The following UFD1 variants were observed in gnomAD, a reference collection of about 807,000 sequenced individuals.
UFD1 encodes the protein ubiquitin recognition factor in ER associated degradation 1, also known as ubiquitin recognition factor in ER-associated degradation protein 1.
Under a neutral mutation model 45.9 loss-of-function variants are expected in UFD1, and 13 were observed. The observed-to-expected ratio is 0.28, with a 90% CI of 0.18 to 0.45. The LOEUF (loss-of-function observed/expected upper bound fraction) is 0.45, where lower values mean the gene tolerates loss of function less well. Ranked by LOEUF, UFD1 falls within the 20% of genes least tolerant of loss-of-function variation. The probability of loss-of-function intolerance (pLI) is 1.00; values close to 1 mark genes in which losing one functional copy is unlikely to be tolerated. For missense variants in UFD1, 218 were observed against 389.2 expected (o/e 0.56, Z 3.70); for synonymous variants, 128 against 139.2 (o/e 0.92, Z 0.56).
intron 7 of UFD1, among the ~76,000 whole-genome samples, chr22:19,457,299 G>A (rs1039511088): frequency 6.6e-6 from 1 of 152,112 alleles, no homozygotes; most frequent in Non-Finnish European, 1.5e-5. Flanking sequence ...ATACCCAGCT[G>A]TCTCCCAGCC....
intron 1 of UFD1, chr22:19,478,862 G>C: frequency 1.7e-6 from 1 of 577,546 alleles, no homozygotes; most frequent in Non-Finnish European, 2.9e-6. Context: ...GTCCGGCTGA[G>C]ACAGAATGCG....
chr22:19,474,073 C>G (rs1252221302), intron 3 of UFD1, among the ~76,000 whole-genome samples: 1 of 152,094 alleles, frequency 6.6e-6, no homozygotes, highest in Admixed American at 6.5e-5. Flanking sequence ...CCAGGTTGCT[C>G]TCATGGGATA....
intron 1 of UFD1, among the ~76,000 whole-genome samples, chr22:19,476,734 C>A (rs1045929179): frequency 1.3e-5 from 2 of 151,974 alleles, no homozygotes; most frequent in Admixed American, 1.3e-4. Context: ...AGGCTGGGTG[C>A]GGTGGCTCAC....
At chr22:19,458,195 C>A in intron 6 of UFD1, 56 bp from the exon 7 acceptor site, 2 of 1,596,070 alleles carry the variant, frequency 1.3e-6, no homozygotes, top group South Asian at 1.1e-5. Context: ...CTGGAGCTGT[C>A]GCTGTCCATG....
intron 4 of UFD1, chr22:19,471,154 G>A (rs763831647): frequency 6.2e-6 from 3 of 482,034 alleles, no homozygotes; most frequent in Non-Finnish European, 1.2e-5. Flanking sequence ...TGGCTCACAC[G>A]CCCTGGATAT....
Position 19,456,487 on chromosome 22 carries a change from G to A in UFD1, c.678+100C>T, listed in dbSNP as rs1601887962. ...ACAGGTACCCAGAGGCCTAACCCCT[G>A]CTGATGTCCATCGAGCATCATGGAG... is the stretch of plus-strand genomic sequence containing the variant. On this transcript the variant is annotated intron_variant, in intron 9 of 11. Transcript: ENST00000263202. 5.3e-6 allele frequency: 8 copies of A among 1,522,666 alleles called. No individual in the cohort carries two copies. In the East Asian group the frequency reaches 1.8e-4, roughly 34 times the overall value. 94.3% of individuals were successfully genotyped at this position (1,522,666 alleles called of 1,614,324 possible).
chr22:19,458,987 A>C (rs1173455553), intron 6 of UFD1, among the ~76,000 whole-genome samples: 1 of 152,172 alleles, frequency 6.6e-6, no homozygotes, highest in African/African-American at 2.4e-5. Context: ...ATCTACTATA[A>C]AGCTTATTTT....
At position 19,475,513 on chromosome 22, in the gene UFD1, T is replaced by G; in HGVS notation, c.93A>C (p.Leu31=). Residue 31 remains leucine, a synonymous_variant, in exon 2 of 12, where the codon CTA becomes CTC. Coordinates refer to ENST00000263202, the MANE Select transcript of UFD1 (RefSeq NM_005659.7). The part of the protein sequence containing the change: ...TQYRCFSVSM[L]AGPNDRSDVE... ...CATCTGACCTGTCATTAGGCCCTGC[T>G]AGCATGGACACAGAGAAGCAGCGGT... 5.6e-6 allele frequency: 9 copies of G among 1,614,086 alleles called. No individual in the cohort carries two copies. The highest frequency in any genetic ancestry group is 7.6e-6 in the Non-Finnish European group (9 of 1,179,998).
chr22:19,475,352 C>G (rs2089873924), intron 2 of UFD1, 118 bp downstream of exon 2: 1 of 1,469,344 alleles, frequency 6.8e-7, no homozygotes. Flanking sequence ...ATCCCAGCAC[C>G]ATTTTCACAG....
rs767179879 is a variant in UFD1 at position 19,458,189 on chromosome 22, A to G, written c.496-50T>C. Reference sequence around the variant, plus strand: ...TTGGATGGTTTCCTGGCAGCACTGGAGCTGTCGCTGTCCATGTTACTGTGG... The same window carrying G: ...TTGGATGGTTTCCTGGCAGCACTGGGGCTGTCGCTGTCCATGTTACTGTGG... On this transcript the variant is annotated intron_variant, in intron 6 of 11. Transcript: ENST00000263202. 14 of 1,596,872 alleles carry G rather than the reference A, an allele frequency of 8.8e-6. No individual in the cohort carries two copies. The South Asian group carries it at 1.5e-4, about 18-fold the overall frequency.
At chr22:19,474,540 C>A (rs968436462) in intron 3 of UFD1, among the ~76,000 whole-genome samples, 4 of 152,068 alleles carry the variant, frequency 2.6e-5, no homozygotes, top group Non-Finnish European at 2.9e-5. Flanking sequence ...GAGCAAAACT[C>A]TGTCTCAAAA....
chr22:19,460,728 TTCC>T (rs1188087244), intron 6 of UFD1, among the ~76,000 whole-genome samples: 1 of 151,858 alleles, frequency 6.6e-6, no homozygotes, highest in Non-Finnish European at 1.5e-5. Context: ...TGATTCCTGC[TTCC>T]TCGAGGCCCT....
intron 8 of UFD1, 49 bp from the exon 9 acceptor site, chr22:19,456,683 GCTTCCCT>G: frequency 6.2e-7 from 1 of 1,613,924 alleles, no homozygotes; most frequent in Admixed American, 1.7e-5. Flanking sequence ...GGGACACCCA[GCTTCCCT>G]CTCACCCCCA....
At position 19,468,098 on chromosome 22, in the gene UFD1, G is replaced by C; in HGVS notation, c.292-95C>G. ...CACTGGGCAGGCCCGTCTTACTTGG[G>C]TCCTTGGAAGAGGAACCTGAGCCAA... is the stretch of plus-strand genomic sequence containing the variant. On this transcript the variant is annotated intron_variant, in intron 4 of 11. Transcript: ENST00000263202. 3.3e-6 allele frequency: 5 copies of C among 1,503,818 alleles called. No homozygotes were observed. In the South Asian group the frequency reaches 6.4e-5, roughly 19 times the overall value. The allele number at this position is 1,503,818 out of a possible 1,614,324, so 93.2% of individuals were successfully genotyped here. A position where few individuals can be genotyped will look rare whatever the true frequency, so the allele number is the denominator to read the frequency against.
At chr22:19,465,019 CA>C (rs141698544) in intron 6 of UFD1, among the ~76,000 whole-genome samples, 182 bp downstream of exon 6, 4,541 of 152,328 alleles carry the variant, frequency 0.03, 149 homozygotes, top group South Asian at 0.13. Context: ...ATCCTCAAAA[CA>C]GAGTTACCAA....
chr22:19,458,235 G>A (rs2089738671), intron 6 of UFD1, 96 bp from the exon 7 acceptor site: 1 of 1,313,468 alleles, frequency 7.6e-7, no homozygotes, highest in Admixed American at 1.8e-5. Flanking sequence ...TCCTGCGAAT[G>A]ACACAGCATT....
intron 10 of UFD1, among the ~76,000 whole-genome samples, chr22:19,455,106 G>A (rs73877067): frequency 6.6e-6 from 1 of 152,072 alleles, no homozygotes; most frequent in East Asian, 1.9e-4. Context: ...ACTGTCCTGA[G>A]CTTCACAGAA....
rs2089928555 is a variant in UFD1 at position 19,479,192 on chromosome 22, A to T, written c.-107T>A. The T allele has an allele frequency of 2.7e-5, 42 of 1,573,448 alleles. No homozygotes were observed. In the South Asian group the frequency reaches 4.6e-4, roughly 17 times the overall value. On this transcript the variant is annotated 5_prime_UTR_variant, in exon 1 of 12. Transcript: ENST00000263202. Reference sequence around the variant, plus strand: ...GCCGCTGCCGCCGCGCCAAGCCGGTACGCCCCAGAGGCTCACCGGAAGTGC... The same window carrying T: ...GCCGCTGCCGCCGCGCCAAGCCGGTTCGCCCCAGAGGCTCACCGGAAGTGC...
intron 3 of UFD1, among the ~76,000 whole-genome samples, chr22:19,474,415 G>T (rs1037445092): frequency 1.3e-5 from 2 of 152,164 alleles, no homozygotes; most frequent in Middle Eastern, 6.8e-3. Flanking sequence ...GCGTGGTGGC[G>T]GGTGCCTGTA....
Sources: gnomAD v4.1 joint callset for allele counts (sites outside exome capture counted in the v4.1 genomes callset) on GRCh38, gnomAD v4.1.1 for gene constraint, MANE v1.5 for transcripts, NCBI Gene and HGNC (gene_info 2026-07-23, HGNC 2026-07-21) for gene names.